BMERB1: variants seen among roughly 807,000 people sequenced by gnomAD.
The protein encoded by BMERB1 is bMERB domain-containing protein 1.
A neutral mutation model predicts 23.6 loss-of-function variants in BMERB1; 12 were observed. The ratio of observed to expected loss-of-function variants is 0.51; its 90% CI spans 0.33 to 0.82. The LOEUF (loss-of-function observed/expected upper bound fraction) is 0.82. Among genes scored for constraint, BMERB1 ranks in the 40% least tolerant of loss-of-function variants. BMERB1 has a pLI of 0.03. For synonymous variants in BMERB1, 122 were observed against 96.6 expected (o/e 1.26, Z -1.54); for missense variants, 247 against 255.4 (o/e 0.97, Z 0.22).
chr16:15,452,265 A>C (rs2051048248), intron 1 of BMERB1, among the ~76,000 whole-genome samples: 1 of 139,944 alleles, frequency 7.1e-6, no homozygotes, highest in Non-Finnish European at 1.6e-5. Flanking sequence ...TGGGAGACAG[A>C]GTGAGACCCT....
At chr16:15,508,961 C>A (rs1030357065) in intron 1 of BMERB1, among the ~76,000 whole-genome samples, 2 of 151,878 alleles carry the variant, frequency 1.3e-5, no homozygotes, top group Non-Finnish European at 2.9e-5. Flanking sequence ...GTTCCTTTCT[C>A]TTGGGGAAGA....
intron 2 of BMERB1, among the ~76,000 whole-genome samples, chr16:15,524,340 C>T (rs1312037178): frequency 6.6e-6 from 1 of 151,776 alleles, no homozygotes; most frequent in Non-Finnish European, 1.5e-5. Context: ...GAAGAAGAAA[C>T]GGAGAGACTA....
intron 3 of BMERB1, among the ~76,000 whole-genome samples, chr16:15,579,500 G>T (rs11865338): frequency 0.012 from 1,775 of 152,184 alleles, 43 homozygotes; most frequent in African/African-American, 0.041. Context: ...CCTTACCCCT[G>T]GTTCTGCTTC....
chr16:15,537,974 T>C (rs1030741941), intron 2 of BMERB1, among the ~76,000 whole-genome samples: 3 of 152,172 alleles, frequency 2.0e-5, no homozygotes, highest in African/African-American at 4.8e-5. Context: ...TTCTTAAATG[T>C]CTGCCACCTA....
chr16:15,504,445 A>C, intron 1 of BMERB1, among the ~76,000 whole-genome samples: 1 of 143,754 alleles, frequency 7.0e-6, no homozygotes, highest in Admixed American at 7.0e-5. Context: ...CTCTTCTTAA[A>C]TTTTTTTTTT....
chr16:15,542,668 A>C (rs778372007), intron 2 of BMERB1, among the ~76,000 whole-genome samples: 5 of 133,794 alleles, frequency 3.7e-5, no homozygotes, highest in Admixed American at 7.9e-5. Flanking sequence ...TCAGGAGCAG[A>C]TGAGATAAGA....
chr16:15,490,011 C>T (rs1261843810), intron 1 of BMERB1, among the ~76,000 whole-genome samples: 3 of 152,162 alleles, frequency 2.0e-5, no homozygotes, highest in East Asian at 1.9e-4. Context: ...GGACTACAGG[C>T]GCCCGCCCTC....
chr16:15,517,732 G>A (rs2051781244), intron 2 of BMERB1, among the ~76,000 whole-genome samples: 1 of 152,098 alleles, frequency 6.6e-6, no homozygotes, highest in Non-Finnish European at 1.5e-5. Flanking sequence ...TTTACTGTGT[G>A]CGCGTGTGTG....
chr16:15,568,161 G>T, intron 3 of BMERB1, 105 bp downstream of exon 3: 1 of 905,210 alleles, frequency 1.1e-6, no homozygotes, highest in South Asian at 1.5e-5. Flanking sequence ...TTCTTGCAAT[G>T]CAGTGCTCCC....
At chr16:15,570,601 T>G (rs983680435) in intron 3 of BMERB1, among the ~76,000 whole-genome samples, 64 of 152,112 alleles carry the variant, frequency 4.2e-4, no homozygotes, top group African/African-American at 1.5e-3. Flanking sequence ...ACCCCAAAGT[T>G]CTTGGACCAA....
At chr16:15,505,732 C>G (rs975225186) in intron 1 of BMERB1, among the ~76,000 whole-genome samples, 7 of 151,620 alleles carry the variant, frequency 4.6e-5, no homozygotes, top group Admixed American at 1.3e-4. Flanking sequence ...ACTAAAAGTA[C>G]AAAAAATTAG....
At chr16:15,451,463 A>G (rs971341699) in intron 1 of BMERB1, among the ~76,000 whole-genome samples, 6 of 151,760 alleles carry the variant, frequency 4.0e-5, no homozygotes, top group African/African-American at 1.4e-4. Context: ...GATTACAGGC[A>G]TGAGCCACCA....
intron 1 of BMERB1, among the ~76,000 whole-genome samples, chr16:15,483,627 G>A (rs758353527): frequency 1.4e-4 from 21 of 152,172 alleles, no homozygotes; most frequent in Non-Finnish European, 7.4e-5. Flanking sequence ...TGATCCACTC[G>A]CCTCGGCCTC....
chr16:15,437,922 C>T (rs1259592346), intron 1 of BMERB1, among the ~76,000 whole-genome samples: 1 of 151,496 alleles, frequency 6.6e-6, no homozygotes, highest in African/African-American at 2.4e-5. Context: ...TGCACCACTG[C>T]ACTCCAGCCT....
rs1298505432 is a variant in BMERB1, at chr16:15,442,308, C to T, written c.106+7549C>T. Among the ~76,000 whole-genome samples, 4 of 147,466 alleles carry T rather than the reference C, an allele frequency of 2.7e-5. No homozygotes were observed. In the South Asian group the frequency reaches 6.4e-4, roughly 24 times the overall value. On this transcript the variant is annotated intron_variant, in intron 1 of 5. Transcript: ENST00000300006. ...TCACACCATTGCACTCCAGCCTGGG[C>T]GACAGAGTGAGACACTGTCTCAAGA...
chr16:15,551,015 A>AG (rs981804935), intron 2 of BMERB1, among the ~76,000 whole-genome samples: 10 of 152,240 alleles, frequency 6.6e-5, no homozygotes, highest in African/African-American at 2.2e-4. Flanking sequence ...AACTCGCAGC[A>AG]GGTGACTGAG....
At chr16:15,497,963 T>C (rs994073977) in intron 1 of BMERB1, among the ~76,000 whole-genome samples, 3 of 152,202 alleles carry the variant, frequency 2.0e-5, no homozygotes, top group African/African-American at 7.2e-5. Flanking sequence ...ATGTGAGTGA[T>C]AATAGCTAAC....
chr16:15,480,200 C>T (rs1357907325), intron 1 of BMERB1, among the ~76,000 whole-genome samples: 2 of 150,512 alleles, frequency 1.3e-5, no homozygotes, highest in African/African-American at 4.9e-5. Flanking sequence ...GCAAGCTCCA[C>T]CTCCTGGGTT....
chr16:15,458,897 G>A (rs1372538820), intron 1 of BMERB1, among the ~76,000 whole-genome samples: 1 of 152,086 alleles, frequency 6.6e-6, no homozygotes, highest in African/African-American at 2.4e-5. Flanking sequence ...ACGAGGTCAG[G>A]AGTTTGAGAC....
Sources: gnomAD v4.1 joint callset for allele counts (sites outside exome capture counted in the v4.1 genomes callset) on GRCh38, gnomAD v4.1.1 for gene constraint, MANE v1.5 for transcripts, NCBI Gene and HGNC (gene_info 2026-07-23, HGNC 2026-07-21) for gene names.